Variants in MAML2 observed in about 807,000 individuals in gnomAD.
The protein encoded by MAML2 is mastermind-like protein 2.
In MAML2, 22 loss-of-function variants were observed where a neutral mutation model predicts 96.1. The observed-to-expected ratio is 0.23, with a 90% CI of 0.16 to 0.33. MAML2 has a LOEUF of 0.33. MAML2 is among the 10% of genes least tolerant of loss of function. The probability of loss-of-function intolerance (pLI) is 1.00; values close to 1 mark genes in which losing one functional copy is unlikely to be tolerated. For synonymous variants in MAML2, 561 were observed against 521.3 expected, an observed-to-expected ratio of 1.08 and a Z score of -1.04; for missense variants, 1,367 against 1,392.4, an observed-to-expected ratio of 0.98 and a Z score of 0.29.
chr11:96,231,890 G>A (rs550328), intron 1 of MAML2, among the ~76,000 whole-genome samples: 41,430 of 152,000 alleles, frequency 0.27, 5,704 homozygotes, highest in Admixed American at 0.3. Context: ...CTGACTAGTC[G>A]CTTTTGCCTT....
intron 4 of MAML2, among the ~76,000 whole-genome samples, chr11:95,981,332 T>C (rs1435106880): frequency 6.6e-6 from 1 of 152,198 alleles, no homozygotes; most frequent in Non-Finnish European, 1.5e-5. Flanking sequence ...ATCAACATAT[T>C]GAAATCTTCT....
intron 1 of MAML2, among the ~76,000 whole-genome samples, chr11:96,334,608 A>C (rs1032482409): frequency 6.6e-6 from 1 of 152,342 alleles, no homozygotes; most frequent in East Asian, 1.9e-4. Context: ...TCCCGTCTAC[A>C]CTGTAAATTC....
In MAML2 at chr11:95,977,930, C is replaced by T. The variant is rs1857672758; in HGVS notation, c.*1018G>A. 1 of 223,628 alleles carries T rather than the reference C, an allele frequency of 4.5e-6. No homozygotes were observed. The highest frequency in any genetic ancestry group is 2.2e-5 in the African/African-American group (1 of 44,810). 13.9% of individuals were successfully genotyped at this position (223,628 alleles called of 1,614,324 possible). On this transcript the variant is annotated 3_prime_UTR_variant, in exon 5 of 5. Transcript: ENST00000524717. ...GGTACTTGCCATCCCTGGTTCTTAT[C>T]TCCAACCAAAACATGATATTTTCTA... is the stretch of plus-strand genomic sequence containing the variant.
At chr11:96,245,062 T>C (rs1048209240) in intron 1 of MAML2, among the ~76,000 whole-genome samples, 52 of 152,162 alleles carry the variant, frequency 3.4e-4, no homozygotes, top group Admixed American at 3.3e-3. Context: ...CCAATGCAAC[T>C]GATATCAACA....
intron 1 of MAML2, among the ~76,000 whole-genome samples, chr11:96,143,343 A>C (rs1306074820): frequency 6.6e-6 from 1 of 152,224 alleles, no homozygotes; most frequent in Non-Finnish European, 1.5e-5. Context: ...TTTTGAGAAG[A>C]TTCAGATGGA....
intron 2 of MAML2, among the ~76,000 whole-genome samples, chr11:96,066,371 G>A (rs149270847): frequency 3.3e-5 from 5 of 152,306 alleles, no homozygotes; most frequent in East Asian, 3.9e-4. Flanking sequence ...CTCCTGAAGC[G>A]GGAGAAGATC....
rs545189278 is a variant in MAML2 at position 96,307,583 on chromosome 11, A to C, written c.513+33800T>G. Among the ~76,000 whole-genome samples, 66 of 152,226 alleles carry C rather than the reference A, an allele frequency of 4.3e-4. 1 individual carries two copies. Among genetic ancestry groups the C allele is most frequent in the African/African-American group, 1.6e-3 (66 of 41,540 alleles). ...AAGCTGCAACTCCGACACATTCCTG[A>C]AACTGCAAAATTGGAACGGCTTTCA... is the stretch of plus-strand genomic sequence containing the variant. On this transcript the variant is annotated intron_variant, in intron 1 of 4. Coordinates refer to ENST00000524717, the MANE Select transcript of MAML2 (RefSeq NM_032427.4).
intron 1 of MAML2, among the ~76,000 whole-genome samples, chr11:96,162,543 G>A (rs992962167): frequency 6.6e-6 from 1 of 151,674 alleles, no homozygotes; most frequent in Non-Finnish European, 1.5e-5. Flanking sequence ...GAGAAACCCT[G>A]TCTACTAAAA....
At chr11:96,119,771 T>C (rs1860303751) in intron 1 of MAML2, among the ~76,000 whole-genome samples, 1 of 152,154 alleles carries the variant, frequency 6.6e-6, no homozygotes, top group Admixed American at 6.6e-5. Context: ...TCTATCACAG[T>C]GCCTCGTTTC....
In MAML2 at chr11:96,299,587, T is replaced by A. The variant is rs188619391; in HGVS notation, c.513+41796A>T. Among the ~76,000 whole-genome samples, 72 of 152,168 alleles carry A rather than the reference T, an allele frequency of 4.7e-4. 1 individual carries two copies. The highest frequency in any genetic ancestry group is 1.7e-3 in the African/African-American group (71 of 41,516). On this transcript the variant is annotated intron_variant, in intron 1 of 4. Coordinates refer to ENST00000524717, the MANE Select transcript of MAML2 (RefSeq NM_032427.4). Reference sequence around the variant, plus strand: ...AGGTGAGAAGCTCTTAAGGAAGAAGTTCCCCTGGGAGCAGCCCACAGCCAG... The same window carrying A: ...AGGTGAGAAGCTCTTAAGGAAGAAGATCCCCTGGGAGCAGCCCACAGCCAG...
intron 1 of MAML2, among the ~76,000 whole-genome samples, chr11:96,304,060 C>T (rs185690512): frequency 1.3e-5 from 2 of 152,146 alleles, no homozygotes; most frequent in Admixed American, 6.5e-5. Context: ...AATTCAGCAC[C>T]GTTTGATCTT....
chr11:96,055,604 C>G (rs563029870), intron 2 of MAML2, among the ~76,000 whole-genome samples: 1 of 152,192 alleles, frequency 6.6e-6, no homozygotes, highest in Admixed American at 6.5e-5. Flanking sequence ...AAAGCTCACA[C>G]ATGAATACAC....
At chr11:95,999,541 G>A (rs1858048448) in intron 2 of MAML2, among the ~76,000 whole-genome samples, 1 of 150,676 alleles carries the variant, frequency 6.6e-6, no homozygotes, top group Non-Finnish European at 1.5e-5. Flanking sequence ...CACAAAGTAG[G>A]CAAAGTTACC....
chr11:96,057,066 G>T (rs1443413067), intron 2 of MAML2, among the ~76,000 whole-genome samples: 1 of 151,982 alleles, frequency 6.6e-6, no homozygotes. Context: ...AGTATAAAAG[G>T]TTTGCCCCCA....
At chr11:96,185,299 G>C (rs2135915438) in intron 1 of MAML2, among the ~76,000 whole-genome samples, 1 of 152,298 alleles carries the variant, frequency 6.6e-6, no homozygotes, top group Non-Finnish European at 1.5e-5. Flanking sequence ...GCAGTGAAGT[G>C]TTAAAACCAG....
intron 2 of MAML2, among the ~76,000 whole-genome samples, chr11:96,046,555 C>G (rs1259732316): frequency 2.0e-5 from 3 of 152,134 alleles, no homozygotes; most frequent in Admixed American, 6.5e-5. Flanking sequence ...CAGCTCTGAG[C>G]AACTTGGGAC....
At chr11:96,066,139 G>A (rs1486957902) in intron 2 of MAML2, among the ~76,000 whole-genome samples, 1 of 152,228 alleles carries the variant, frequency 6.6e-6, no homozygotes, top group Non-Finnish European at 1.5e-5. Context: ...TCCACAGGGT[G>A]TAGGAAGAGG....
intron 1 of MAML2, among the ~76,000 whole-genome samples, chr11:96,264,778 G>A (rs1452329344): frequency 3.9e-5 from 6 of 152,174 alleles, no homozygotes; most frequent in Non-Finnish European, 5.9e-5. Context: ...AAATGAAAAC[G>A]TTGAAAGGAG....
intron 2 of MAML2, among the ~76,000 whole-genome samples, chr11:96,083,185 C>T (rs1429869036): frequency 6.6e-6 from 1 of 152,196 alleles, no homozygotes; most frequent in Non-Finnish European, 1.5e-5. Context: ...TATCCTGCTA[C>T]TAGAGTGACT....
Sources: allele counts gnomAD v4.1 joint callset (sites outside exome capture counted in the v4.1 genomes callset), GRCh38; gene constraint gnomAD v4.1.1; transcripts MANE v1.5; gene names NCBI Gene and HGNC (gene_info 2026-07-23, HGNC 2026-07-21).